The following TOLLIP variants were observed in gnomAD, a reference collection of about 807,000 sequenced individuals.
TOLLIP encodes the protein toll interacting protein, also known as toll-interacting protein.
A neutral mutation model predicts 33.5 loss-of-function variants in TOLLIP; 16 were observed. That is an observed-to-expected ratio of 0.48 (90% CI 0.32 to 0.72). TOLLIP has a LOEUF of 0.72. TOLLIP is among the 30% of genes least tolerant of loss of function. The pLI, the probability that TOLLIP is intolerant of heterozygous loss-of-function variation, is 0.03. For synonymous variants in TOLLIP, 176 were observed against 163.7 expected (o/e 1.07, Z -0.57); for missense variants, 325 against 396.6 (o/e 0.82, Z 1.53).
intron 1 of TOLLIP, among the ~76,000 whole-genome samples, chr11:1,307,859 A>G (rs1444926872): frequency 6.6e-6 from 1 of 152,222 alleles, no homozygotes; most frequent in African/African-American, 2.4e-5. Flanking sequence ...CAGAAAAAGC[A>G]GCTATGCCCA....
At chr11:1,301,502 G>A (rs1864277048) in intron 1 of TOLLIP, among the ~76,000 whole-genome samples, 1 of 151,914 alleles carries the variant, frequency 6.6e-6, no homozygotes, top group Non-Finnish European at 1.5e-5. Flanking sequence ...AAAACCCAGG[G>A]ACAATGAAAT....
chr11:1,303,194 G>A lies in TOLLIP; in HGVS notation c.33+6272C>T, dbSNP rs1864331597. On this transcript the variant is annotated intron_variant, in intron 1 of 5. Coordinates refer to ENST00000317204, the MANE Select transcript of TOLLIP (RefSeq NM_019009.4). The surrounding 1 kb of genome is among the most constrained non-coding windows in gnomAD (Gnocchi z 4.2). ...GACTACAGAACAAGCGACTTTAAAT[G>A]GGGTCTCTGCCAGGAACTCCACTGC... 6.6e-6 allele frequency among the ~76,000 whole-genome samples: 1 copy of A among 152,150 alleles called. No homozygotes were observed. Among genetic ancestry groups the A allele is most frequent in the South Asian group, 2.1e-4 (1 of 4,828 alleles).
In TOLLIP at chr11:1,278,308, G is replaced by A. The variant is rs1033938207; in HGVS notation, c.611-1055C>T. Among the ~76,000 whole-genome samples the A allele has an allele frequency of 3.3e-5, 5 of 152,108 alleles. No homozygotes were observed. The highest frequency in any genetic ancestry group is 5.9e-5 in the Non-Finnish European group (4 of 68,024). ...CAGTGCAAGGGTTCACTGCTCACCCGTTCATTCACCTTTAAAAGCACGAAC... is the reference window on the plus strand; with the variant it reads ...CAGTGCAAGGGTTCACTGCTCACCCATTCATTCACCTTTAAAAGCACGAAC... On this transcript the variant is annotated intron_variant, in intron 5 of 5. Coordinates refer to ENST00000317204, the MANE Select transcript of TOLLIP (RefSeq NM_019009.4). The surrounding 1 kb of genome is among the most constrained non-coding windows in gnomAD (Gnocchi z 4.7).
At chr11:1,309,352 C>T in intron 1 of TOLLIP, 114 bp downstream of exon 1, 2 of 572,804 alleles carry the variant, frequency 3.5e-6, no homozygotes, top group Non-Finnish European at 5.0e-6. Context: ...CCGCGTGCCC[C>T]GGGAGAGCCG....
chr11:1,295,873 TCCCGCGGC>T, intron 1 of TOLLIP, 79 bp from the exon 2 acceptor site: 1 of 1,471,658 alleles, frequency 6.8e-7, no homozygotes, highest in Non-Finnish European at 9.1e-7. Flanking sequence ...CCCCCGGCAT[TCCCGCGGC>T]CCCGCCCCCA....
Position 1,277,325 on chromosome 11 carries a change from G to A in TOLLIP, c.611-72C>T. 3.8e-6 allele frequency: 5 copies of A among 1,299,966 alleles called. No homozygotes were observed. The highest frequency in any genetic ancestry group is 5.2e-6 in the Non-Finnish European group (5 of 961,546). The allele number at this position is 1,299,966 out of a possible 1,614,324, so 80.5% of individuals were successfully genotyped here. A position where few individuals can be genotyped will look rare whatever the true frequency, so the allele number is the denominator to read the frequency against. On this transcript the variant is annotated intron_variant, in intron 5 of 5. Coordinates refer to ENST00000317204, the MANE Select transcript of TOLLIP (RefSeq NM_019009.4). This position sits in a 1 kb window ranked among gnomAD's most constrained non-coding sequence, Gnocchi z 4.2. ...AGTGCCACACTAGCTCCTGCTGAAG[G>A]AAGAAAACAACGCATCCCACCGGCC...
chr11:1,309,521 C>G lies in TOLLIP; in HGVS notation c.-23G>C, dbSNP rs1245968164. 2.3e-6 allele frequency: 3 copies of G among 1,289,226 alleles called. No homozygotes were observed. Among genetic ancestry groups the G allele is most frequent in the Middle Eastern group, 2.9e-4 (1 of 3,414 alleles). The allele number at this position is 1,289,226 out of a possible 1,614,324, so 79.9% of individuals were successfully genotyped here. On this transcript the variant is annotated 5_prime_UTR_variant, in exon 1 of 6. Coordinates refer to ENST00000317204, the MANE Select transcript of TOLLIP (RefSeq NM_019009.4). ...CATGGTGCTGCGGCGGCCCCCGTGG[C>G]TCGCCGACCCGACAGTGACGCGCCG... is the stretch of plus-strand genomic sequence containing the variant.
Position 1,275,768 on chromosome 11 carries a change from T to C in TOLLIP, c.*1271A>G, listed in dbSNP as rs1461172792. 2.6e-5 allele frequency: 4 copies of C among 152,178 alleles called. No individual in the cohort carries two copies. Among genetic ancestry groups the C allele is most frequent in the African/African-American group, 4.8e-5 (2 of 41,438 alleles). 9.4% of individuals were successfully genotyped at this position (152,178 alleles called of 1,614,324 possible). ...TTTTTGAGGGAGAAAAAGACTAAAA[T>C]GTAAGCACTAACTTCCTCCTTCTGC... On this transcript the variant is annotated 3_prime_UTR_variant, in exon 6 of 6. Transcript: ENST00000317204.
intron 5 of TOLLIP, 53 bp downstream of exon 5, chr11:1,285,949 A>G: frequency 1.4e-6 from 2 of 1,441,222 alleles, no homozygotes; most frequent in Non-Finnish European, 1.9e-6. Context: ...CACCTGCCCT[A>G]GGCCCTGGGG....
intron 1 of TOLLIP, 34 bp from the exon 2 acceptor site, chr11:1,295,828 C>T: frequency 6.6e-7 from 1 of 1,524,796 alleles, no homozygotes; most frequent in Non-Finnish European, 8.8e-7. Flanking sequence ...GCCAGTGAGT[C>T]AGGGTGGGGG....
At chr11:1,306,427 A>C (rs1417302020) in intron 1 of TOLLIP, among the ~76,000 whole-genome samples, 1 of 152,094 alleles carries the variant, frequency 6.6e-6, no homozygotes, top group Non-Finnish European at 1.5e-5. Context: ...GACCACAGTC[A>C]GGGTCTCCCG....
chr11:1,296,126 C>T lies in TOLLIP; in HGVS notation c.34-332G>A, dbSNP rs574582790. 1.1e-3 allele frequency among the ~76,000 whole-genome samples: 162 copies of T among 152,336 alleles called. 1 individual carries two copies. Among genetic ancestry groups the T allele is most frequent in the Non-Finnish European group, 1.6e-3 (111 of 68,030 alleles). ...GTCTCCCTTGCACCATGTGTGCCCA[C>T]GGCTTCTTTCTCCTTGTCCACAGCT... is the stretch of plus-strand genomic sequence containing the variant. On this transcript the variant is annotated intron_variant, in intron 1 of 5. Coordinates refer to ENST00000317204, the MANE Select transcript of TOLLIP (RefSeq NM_019009.4).
intron 2 of TOLLIP, among the ~76,000 whole-genome samples, chr11:1,293,311 T>C (rs951929196): frequency 6.6e-6 from 1 of 152,128 alleles, no homozygotes; most frequent in African/African-American, 2.4e-5. Context: ...GGTCCGTACC[T>C]AGGGATCTGG....
chr11:1,276,994 G>C lies in TOLLIP; in HGVS notation c.*45C>G. On this transcript the variant is annotated 3_prime_UTR_variant, in exon 6 of 6. Transcript: ENST00000317204. The stretch of plus-strand genomic sequence containing the variant: ...AGCATTCCTTGGGGAGCGCCGGGTC[G>C]GCGTGTCCAAAGAGCGGGGGCAAAA... 6.2e-7 allele frequency: 1 copy of C among 1,600,178 alleles called. No homozygotes were observed. Among genetic ancestry groups the C allele is most frequent in the South Asian group, 1.1e-5 (1 of 90,194 alleles).
intron 5 of TOLLIP, among the ~76,000 whole-genome samples, chr11:1,285,353 G>A (rs889212279): frequency 1.5e-4 from 23 of 152,238 alleles, no homozygotes; most frequent in Non-Finnish European, 2.5e-4. Flanking sequence ...CAGGGGCTGC[G>A]GTCTCCCCGC....
At chr11:1,291,588 T>C (rs1166209558) in intron 2 of TOLLIP, among the ~76,000 whole-genome samples, 1 of 38,510 alleles carries the variant, frequency 2.6e-5, no homozygotes, top group African/African-American at 1.1e-4. Context: ...ACGGCCACCC[T>C]GTCCTCACTG....
At chr11:1,296,490 C>G (rs1424771267) in intron 1 of TOLLIP, among the ~76,000 whole-genome samples, 1 of 152,240 alleles carries the variant, frequency 6.6e-6, no homozygotes, top group Non-Finnish European at 1.5e-5. Context: ...GTAAACCATG[C>G]TCCACAGGTG....
chr11:1,295,981 G>GC (rs912106288), intron 1 of TOLLIP, among the ~76,000 whole-genome samples, 187 bp from the exon 2 acceptor site: 1 of 152,172 alleles, frequency 6.6e-6, no homozygotes, highest in African/African-American at 2.4e-5. Flanking sequence ...CTGGGGCCTG[G>GC]CCCCCAGCGG....
chr11:1,291,639 C>A (rs1863950981), intron 2 of TOLLIP, among the ~76,000 whole-genome samples: 1 of 151,328 alleles, frequency 6.6e-6, no homozygotes, highest in Non-Finnish European at 1.5e-5. Context: ...CTCACCGCAC[C>A]CCTCTGAGGG....
Sources: allele counts gnomAD v4.1 joint callset (sites outside exome capture counted in the v4.1 genomes callset), GRCh38; gene constraint gnomAD v4.1.1; non-coding constraint Gnocchi (gnomAD v3.1); transcripts MANE v1.5; gene names NCBI Gene and HGNC (gene_info 2026-07-23, HGNC 2026-07-21).